KIF27: variants seen among roughly 807,000 people sequenced by gnomAD.
KIF27 encodes the protein kinesin-like protein KIF27.
In KIF27, 84 loss-of-function variants were observed where a neutral mutation model predicts 141.8. The ratio of observed to expected loss-of-function variants is 0.59; its 90% CI spans 0.50 to 0.71. The LOEUF is 0.71. KIF27 is among the 30% of genes least tolerant of loss of function. The pLI, the probability that KIF27 is intolerant of heterozygous loss-of-function variation, is 0.00. For synonymous variants in KIF27, 471 were observed against 569.5 expected (o/e 0.83, Z 2.46); for missense variants, 1,306 against 1,628.4 (o/e 0.80, Z 3.41).
At chr9:83,915,805 A>G (rs1403264552) in intron 1 of KIF27, 127 bp from the exon 2 acceptor site, 5 of 505,156 alleles carry the variant, frequency 9.9e-6, no homozygotes, top group Admixed American at 3.7e-5. Context: ...ACAAAGAGTA[A>G]GCCTGTCTTG....
rs751309345 is a variant in KIF27 at position 83,889,188 on chromosome 9, C to T, written c.1875G>A (p.Gln625=). 3 of 1,613,916 alleles carry T rather than the reference C, an allele frequency of 1.9e-6. No homozygotes were observed. Among genetic ancestry groups the T allele is most frequent in the Non-Finnish European group, 2.5e-6 (3 of 1,179,872 alleles). ...RIFAGFRTRS[Q]MLLGHIEEQD... ...GTTCTTCTATGTGACCCAACAGCAT[C>T]TGACTTCGTGTTCGAAATCCAGCAA... The change falls in exon 7 of 18, where the codon CAG becomes CAA. Residue 625 remains glutamine, a synonymous_variant. Coordinates refer to ENST00000297814, the MANE Select transcript of KIF27 (RefSeq NM_017576.4).
rs1292365999 is a variant in KIF27 at position 83,859,354 on chromosome 9, A to G, written c.2952T>C (p.Ser984=). Residue 984 remains serine, a synonymous_variant, in exon 14 of 18, where the codon AGT becomes AGC. Transcript: ENST00000297814. ...AGTTCAGGCGAGTTGATATTTTCAA[A>G]CTATCTGTGTTTAAGGCCTAAAAGA... The part of the protein sequence containing the change: ...LRSSQALNTD[S]LKISTRLNLL... 1 of 1,613,970 alleles carries G rather than the reference A, an allele frequency of 6.2e-7. No individual in the cohort carries two copies. The highest frequency in any genetic ancestry group is 1.1e-5 in the South Asian group (1 of 91,078).
At chr9:83,880,136 C>T in intron 11 of KIF27, 161 bp downstream of exon 11, 1 of 1,039,432 alleles carries the variant, frequency 9.6e-7, no homozygotes, top group South Asian at 1.7e-5. Context: ...GTAGGTTTTA[C>T]TACGTAGATG....
chr9:83,919,055 G>A (rs964650498), intron 1 of KIF27, among the ~76,000 whole-genome samples: 2 of 151,966 alleles, frequency 1.3e-5, no homozygotes, highest in African/African-American at 2.4e-5. Context: ...CATCCTGGGC[G>A]ATACACCAAG....
At position 83,921,431 on chromosome 9, in the gene KIF27, A is replaced by C. The variant is rs1053291305; in HGVS notation, c.-148T>G. 6.6e-6 allele frequency: 1 copy of C among 152,566 alleles called. No individual in the cohort carries two copies. The highest frequency in any genetic ancestry group is 6.5e-5 in the Admixed American group (1 of 15,292). The allele number at this position is 152,566 out of a possible 1,614,324, so 9.5% of individuals were successfully genotyped here. On this transcript the variant is annotated 5_prime_UTR_variant, in exon 1 of 18. Coordinates refer to ENST00000297814, the MANE Select transcript of KIF27 (RefSeq NM_017576.4). Reference sequence around the variant, plus strand: ...CTGGACTCCTCAGCTTCGCTCTGCCACACCGCGCAGCCGCCGTCCGCGTCT... The same window carrying C: ...CTGGACTCCTCAGCTTCGCTCTGCCCCACCGCGCAGCCGCCGTCCGCGTCT...
chr9:83,840,010 C>T (rs1361724866), intron 17 of KIF27, among the ~76,000 whole-genome samples: 2 of 152,038 alleles, frequency 1.3e-5, no homozygotes, highest in Non-Finnish European at 2.9e-5. Context: ...AACTAGGATA[C>T]TGATTATTAA....
chr9:83,885,946 G>GT (rs1462711794), intron 9 of KIF27, among the ~76,000 whole-genome samples: 1 of 110,770 alleles, frequency 9.0e-6, no homozygotes, highest in East Asian at 2.3e-4. Flanking sequence ...AGTTTTTTGT[G>GT]TTGTTTTTTT....
chr9:83,892,572 C>T (rs1310758823), intron 5 of KIF27, among the ~76,000 whole-genome samples: 2 of 151,896 alleles, frequency 1.3e-5, no homozygotes, highest in African/African-American at 2.4e-5. Flanking sequence ...TTTACCAAAA[C>T]AGTAATTATG....
intron 10 of KIF27, among the ~76,000 whole-genome samples, chr9:83,881,530 G>A (rs1406828951): frequency 6.6e-6 from 1 of 152,188 alleles, no homozygotes; most frequent in East Asian, 1.9e-4. Context: ...AGACATTGTT[G>A]TCAATTTGCA....
chr9:83,915,326 C>T lies in KIF27; in HGVS notation c.266G>A (p.Gly89Glu), dbSNP rs1955581585. ...TVFAYGQTGS[G>E]KTYTIGGGHI... ...GCCCCCTCCAATGGTGTATGTCTTC[C>T]CAGATCCAGTTTGTCCATAGGCAAA... Residue 89 changes from glycine to glutamate, a missense_variant, in exon 2 of 18, where the codon GGG becomes GAG. Transcript: ENST00000297814. 6.2e-7 allele frequency: 1 copy of T among 1,612,632 alleles called. No homozygotes were observed. Among genetic ancestry groups the T allele is most frequent in the African/African-American group, 1.3e-5 (1 of 74,842 alleles).
intron 11 of KIF27, among the ~76,000 whole-genome samples, chr9:83,874,860 G>C (rs926209495): frequency 1.3e-5 from 2 of 150,358 alleles, no homozygotes; most frequent in African/African-American, 4.9e-5. Flanking sequence ...CTTGAGCCCA[G>C]GAGGCCAAGG....
Position 83,903,105 on chromosome 9 carries a change from C to T in KIF27, c.1413G>A (p.Gln471=), listed in dbSNP as rs1290910139. ...TCTTCAGCTGGAGAACTGTAACATG[C>T]TGTGGTCCTTCTTCCAGACTTGCAG... ...GGTASLEEGP[Q]HVTVLQLKRE... Residue 471 remains glutamine (Q), a synonymous_variant, in exon 4 of 18, where the codon CAG becomes CAA. Transcript: ENST00000297814. 1.2e-6 allele frequency: 2 copies of T among 1,614,004 alleles called. No homozygotes were observed. Among genetic ancestry groups the T allele is most frequent in the Non-Finnish European group, 8.5e-7 (1 of 1,179,992 alleles).
At chr9:83,873,673 C>A (rs1471014862) in intron 11 of KIF27, among the ~76,000 whole-genome samples, 1 of 152,116 alleles carries the variant, frequency 6.6e-6, no homozygotes, top group Non-Finnish European at 1.5e-5. Context: ...TGTGATAGCC[C>A]TAGACATTTC....
In KIF27 at chr9:83,836,112, A is replaced by T. The variant is rs767256346; in HGVS notation, c.*889T>A. Among the ~76,000 whole-genome samples, 1 of 152,170 alleles carries T rather than the reference A, an allele frequency of 6.6e-6. No individual in the cohort carries two copies. The highest frequency in any genetic ancestry group is 1.5e-5 in the Non-Finnish European group (1 of 68,032). Reference sequence around the variant, plus strand: ...GCCGGTGTGCAAAGCCTGACTAAGGAGGTTATAGAAAAAAATATCAGACTT... The same window carrying T: ...GCCGGTGTGCAAAGCCTGACTAAGGTGGTTATAGAAAAAAATATCAGACTT... On this transcript the variant is annotated 3_prime_UTR_variant, in exon 18 of 18. Transcript: ENST00000297814.
At chr9:83,883,748 A>C (rs927325188) in intron 10 of KIF27, 65 bp downstream of exon 10, 1 of 1,092,610 alleles carries the variant, frequency 9.2e-7, no homozygotes, top group Non-Finnish European at 1.4e-6. Flanking sequence ...TTCCTAACTC[A>C]GTACAAGAAT....
At chr9:83,878,549 A>T (rs1005891299) in intron 11 of KIF27, among the ~76,000 whole-genome samples, 1 of 151,186 alleles carries the variant, frequency 6.6e-6, no homozygotes, top group African/African-American at 2.4e-5. Flanking sequence ...GCATATCCAT[A>T]CAATGGAATA....
intron 5 of KIF27, among the ~76,000 whole-genome samples, chr9:83,894,386 T>C (rs1320104467): frequency 2.0e-5 from 3 of 152,240 alleles, no homozygotes; most frequent in Non-Finnish European, 2.9e-5. Flanking sequence ...CAGACCTGAC[T>C]GCTATCTTTT....
chr9:83,886,307 G>A (rs772080967), intron 9 of KIF27, among the ~76,000 whole-genome samples: 7 of 152,106 alleles, frequency 4.6e-5, no homozygotes, highest in Non-Finnish European at 7.4e-5. Context: ...TATACCCAAC[G>A]TGGTTGTTTT....
chr9:83,879,213 A>C (rs1241948985), intron 11 of KIF27, among the ~76,000 whole-genome samples: 1 of 150,358 alleles, frequency 6.7e-6, no homozygotes, highest in Non-Finnish European at 1.5e-5. Flanking sequence ...TTAAAATGGT[A>C]AATTTTATGT....
Sources: gnomAD v4.1 joint callset for allele counts (sites outside exome capture counted in the v4.1 genomes callset) on GRCh38, gnomAD v4.1.1 for gene constraint, MANE v1.5 for transcripts, NCBI Gene and HGNC (gene_info 2026-07-23, HGNC 2026-07-21) for gene names.